The following FAM193A variants were observed in gnomAD, a reference collection of about 807,000 sequenced individuals.
The protein encoded by FAM193A is family with sequence similarity 193 member A, also known as protein FAM193A.
A neutral mutation model predicts 126.5 loss-of-function variants in FAM193A; 22 were observed. The observed-to-expected ratio is 0.17, with a 90% CI of 0.12 to 0.25. The LOEUF (loss-of-function observed/expected upper bound fraction) is 0.25, where lower values mean the gene tolerates loss of function less well. Ranked by LOEUF, FAM193A falls within the 10% of genes least tolerant of loss-of-function variation. The pLI is 1.00. For synonymous variants in FAM193A, 761 were observed against 646.8 expected (o/e 1.18, Z -2.68); for missense variants, 1,675 against 1,672.8 (o/e 1.00, Z -0.02).
intron 4 of FAM193A, 27 bp from the exon 5 acceptor site, chr4:2,630,908 G>A (rs751351871): frequency 1.7e-5 from 23 of 1,372,732 alleles, no homozygotes; most frequent in Non-Finnish European, 2.3e-5. Context: ...TGGTGGGCAG[G>A]CCCTGGTGAC....
intron 1 of FAM193A, among the ~76,000 whole-genome samples, chr4:2,576,165 C>T (rs780873590): frequency 1.6e-4 from 24 of 152,092 alleles, no homozygotes; most frequent in South Asian, 2.1e-4. Context: ...GGCACGATCT[C>T]GGCTCACTGC....
intron 10 of FAM193A, among the ~76,000 whole-genome samples, chr4:2,661,354 A>T (rs1712420678): frequency 6.6e-6 from 1 of 152,240 alleles, no homozygotes; most frequent in South Asian, 2.1e-4. Context: ...TAGTCAGTGT[A>T]CCACACAGTA....
chr4:2,674,671 T>C (rs996452572), intron 13 of FAM193A, among the ~76,000 whole-genome samples: 1 of 152,188 alleles, frequency 6.6e-6, no homozygotes, highest in African/African-American at 2.4e-5. Flanking sequence ...GGTAAATATT[T>C]AGTACCTAAA....
At chr4:2,551,559 GTA>G (rs965280044) in intron 1 of FAM193A, among the ~76,000 whole-genome samples, 17 of 152,172 alleles carry the variant, frequency 1.1e-4, no homozygotes, top group Non-Finnish European at 2.2e-4. Flanking sequence ...GAATTTATGT[GTA>G]TAGAGTTGTC....
rs143305134 is a variant in FAM193A at position 2,555,698 on chromosome 4, A to G, written c.255+18528A>G. 4.3e-3 allele frequency among the ~76,000 whole-genome samples: 659 copies of G among 151,644 alleles called. 3 individuals carry two copies. The highest frequency in any genetic ancestry group is 0.015 in the African/African-American group (635 of 41,284). ...AGTGGCGCAATCTCGGCTCGCCGCAAGCTCTGCCTCCCGGGCTCACGCCGT... is the reference window on the plus strand; with the variant it reads ...AGTGGCGCAATCTCGGCTCGCCGCAGGCTCTGCCTCCCGGGCTCACGCCGT... On this transcript the variant is annotated intron_variant, in intron 1 of 20. Coordinates refer to ENST00000637812, the MANE Select transcript of FAM193A (RefSeq NM_001366318.2).
In FAM193A at chr4:2,642,828, G is replaced by A. The variant is rs560008006; in HGVS notation, c.1163+2969G>A. On this transcript the variant is annotated intron_variant, in intron 6 of 20. Transcript: ENST00000637812. ...GCTCACTGCAAGCTCTGCCTCTCAG[G>A]TTCATGCCATTCTCCTGCCTCAGCC... is the stretch of plus-strand genomic sequence containing the variant. Among the ~76,000 whole-genome samples, 24 of 151,608 alleles carry A rather than the reference G, an allele frequency of 1.6e-4. No homozygotes were observed. In the South Asian group the frequency reaches 2.7e-3, roughly 17 times the overall value.
At chr4:2,561,273 C>T (rs1057482137) in intron 1 of FAM193A, among the ~76,000 whole-genome samples, 2 of 151,728 alleles carry the variant, frequency 1.3e-5, no homozygotes, top group African/African-American at 2.4e-5. Context: ...CTCTGCCTTC[C>T]GGGTTCCAGG....
At chr4:2,678,313 C>T (rs992740440) in intron 13 of FAM193A, among the ~76,000 whole-genome samples, 11 of 150,112 alleles carry the variant, frequency 7.3e-5, no homozygotes, top group African/African-American at 2.7e-4. Context: ...TACAACTCTT[C>T]CACTTCTTTG....
At chr4:2,621,194 C>T (rs1052369527) in intron 2 of FAM193A, among the ~76,000 whole-genome samples, 7 of 152,162 alleles carry the variant, frequency 4.6e-5, no homozygotes, top group Non-Finnish European at 1.0e-4. Flanking sequence ...TCTTCACCGT[C>T]CCTGTAGTAC....
At chr4:2,717,869 A>T (rs926238809) in intron 20 of FAM193A, among the ~76,000 whole-genome samples, 6 of 152,072 alleles carry the variant, frequency 3.9e-5, no homozygotes, top group African/African-American at 1.4e-4. Context: ...GGCCAGGCTA[A>T]TCTTGAACTC....
intron 2 of FAM193A, among the ~76,000 whole-genome samples, 171 bp from the exon 3 acceptor site, chr4:2,625,091 C>G (rs1297951682): frequency 6.6e-6 from 1 of 152,184 alleles, no homozygotes; most frequent in African/African-American, 2.4e-5. Flanking sequence ...CCTCAGACTC[C>G]CAAAGTGCTG....
intron 1 of FAM193A, among the ~76,000 whole-genome samples, chr4:2,568,973 C>CTTTTTTTTTTTTTTTTTTTTTTTTTTTTT (rs753557878): frequency 2.2e-5 from 2 of 90,722 alleles, no homozygotes; most frequent in African/African-American, 4.6e-5. Context: ...TGTTGTTTTG[C>CTTTTTTTTTTTTTTTTTTTTTTTTTTTTT]TTTTTTTTTT....
intron 18 of FAM193A, 152 bp from the exon 19 acceptor site, chr4:2,699,528 A>G: frequency 1.7e-6 from 1 of 581,358 alleles, no homozygotes; most frequent in Non-Finnish European, 2.9e-6. Flanking sequence ...AGAGAATTGG[A>G]GGTGGGTGTG....
chr4:2,582,378 C>T (rs1739994627), intron 1 of FAM193A, among the ~76,000 whole-genome samples: 1 of 152,044 alleles, frequency 6.6e-6, no homozygotes, highest in African/African-American at 2.4e-5. Context: ...TGGGTTCAAG[C>T]AATCCTCTCA....
chr4:2,693,908 C>G (rs1716726941), intron 16 of FAM193A, 34 bp downstream of exon 16: 1 of 1,592,948 alleles, frequency 6.3e-7, no homozygotes, highest in African/African-American at 1.3e-5. Context: ...CGTGGGAGCA[C>G]TTTGGAAAAT....
At chr4:2,691,209 C>T (rs1339401592) in intron 15 of FAM193A, among the ~76,000 whole-genome samples, 3 of 152,190 alleles carry the variant, frequency 2.0e-5, no homozygotes, top group Admixed American at 2.0e-4. Context: ...GCTTTTGTCT[C>T]TGTTTCTGTT....
intron 20 of FAM193A, among the ~76,000 whole-genome samples, chr4:2,726,516 G>A (rs1012292018): frequency 5.9e-5 from 9 of 152,072 alleles, no homozygotes; most frequent in Non-Finnish European, 1.3e-4. Context: ...TCCGGGTCCC[G>A]GTACTGGCAG....
chr4:2,706,964 T>TA (rs1186438418), intron 19 of FAM193A, among the ~76,000 whole-genome samples: 9 of 151,588 alleles, frequency 5.9e-5, no homozygotes, highest in Non-Finnish European at 8.8e-5. Flanking sequence ...CTACTAAAGA[T>TA]AAAAAAAATT....
At chr4:2,723,749 T>C (rs1444528752) in intron 20 of FAM193A, among the ~76,000 whole-genome samples, 1 of 152,184 alleles carries the variant, frequency 6.6e-6, no homozygotes, top group Non-Finnish European at 1.5e-5. Context: ...CAAAAACCTT[T>C]ATGTTTTGAT....
Sources: allele counts gnomAD v4.1 joint callset (sites outside exome capture counted in the v4.1 genomes callset), GRCh38; gene constraint gnomAD v4.1.1; transcripts MANE v1.5; gene names NCBI Gene and HGNC (gene_info 2026-07-23, HGNC 2026-07-21).